The following AIG1 variants were observed in gnomAD, a reference collection of about 807,000 sequenced individuals.
AIG1 encodes androgen induced 1.
Under a neutral mutation model 31.4 loss-of-function variants are expected in AIG1, and 23 were observed. The observed-to-expected ratio is 0.73, with a 90% CI of 0.53 to 1.04. The LOEUF (loss-of-function observed/expected upper bound fraction) is 1.04. Among genes scored for constraint, AIG1 ranks in the 50% least tolerant of loss-of-function variants. The probability of loss-of-function intolerance (pLI) is 0.00; values close to 1 mark genes in which losing one functional copy is unlikely to be tolerated. For synonymous variants in AIG1, 100 were observed against 110.5 expected (o/e 0.90, Z 0.60); for missense variants, 274 against 295.0 (o/e 0.93, Z 0.52).
chr6:143,110,936 TTTA>T (rs1162589010), intron 1 of AIG1, among the ~76,000 whole-genome samples: 11 of 152,228 alleles, frequency 7.2e-5, no homozygotes, highest in South Asian at 2.1e-4. Flanking sequence ...ATATCCTGGA[TTTA>T]CCTTCTTAAA....
chr6:143,069,842 C>G (rs1056633100), intron 1 of AIG1, among the ~76,000 whole-genome samples: 5 of 152,100 alleles, frequency 3.3e-5, no homozygotes, highest in African/African-American at 4.8e-5. Flanking sequence ...ATGGAACCTC[C>G]TAGAAGTTTT....
chr6:143,213,533 T>TTTTTTTTTTTTTTTC, intron 3 of AIG1, among the ~76,000 whole-genome samples: 1 of 147,724 alleles, frequency 6.8e-6, no homozygotes, highest in African/African-American at 2.5e-5. Flanking sequence ...TTTTTTTTTT[T>TTTTTTTTTTTTTTTC]TGAGATGGAG....
In AIG1 at chr6:143,327,389, T is replaced by C. The variant is rs1457829767; in HGVS notation, c.516-5893T>C. The C allele has an allele frequency of 2.2e-5, 7 of 316,658 alleles. No homozygotes were observed. Among genetic ancestry groups the C allele is most frequent in the South Asian group, 6.6e-5 (2 of 30,272 alleles). The allele number at this position is 316,658 out of a possible 1,614,324, so 19.6% of individuals were successfully genotyped here. ...TCACAAGCGCGTCCATGGAGTGGGC[T>C]TCAAGAAGTCTGCCCCTTGGGCACT... On this transcript the variant is annotated intron_variant, in intron 4 of 5. Coordinates refer to ENST00000357847, the MANE Select transcript of AIG1 (RefSeq NM_016108.4). This position sits in a 1 kb window ranked among gnomAD's most constrained non-coding sequence, Gnocchi z 5.3.
At chr6:143,181,473 TGTGATCATTA>T (rs1331176342) in intron 3 of AIG1, among the ~76,000 whole-genome samples, 2 of 152,354 alleles carry the variant, frequency 1.3e-5, no homozygotes, top group African/African-American at 4.8e-5. Context: ...AATTTTCATC[TGTGATCATTA>T]GTTCTAACAA....
chr6:143,253,082 C>T (rs963011999), intron 3 of AIG1, among the ~76,000 whole-genome samples: 10 of 152,148 alleles, frequency 6.6e-5, no homozygotes, highest in African/African-American at 2.4e-4. Flanking sequence ...AATGTAGAAG[C>T]GACATCCTAT....
intron 3 of AIG1, among the ~76,000 whole-genome samples, chr6:143,254,425 T>C (rs1795224996): frequency 6.6e-6 from 1 of 152,200 alleles, no homozygotes; most frequent in Admixed American, 6.5e-5. Context: ...CCTGGACACT[T>C]GAACAGTTAG....
chr6:143,137,595 C>T (rs945983353), intron 2 of AIG1, among the ~76,000 whole-genome samples: 11 of 152,240 alleles, frequency 7.2e-5, no homozygotes, highest in African/African-American at 1.7e-4. Flanking sequence ...CCATTAGCTA[C>T]TATCACTGAA....
chr6:143,333,497 T>G lies in AIG1; in HGVS notation c.679+52T>G. The stretch of plus-strand genomic sequence containing the variant: ...ACAAGAGAATTACTGCCGGCAACAG[T>G]CTATGCAGAGACTGAGGGAAAATTC... On this transcript the variant is annotated intron_variant, in intron 5 of 5. Coordinates refer to ENST00000357847, the MANE Select transcript of AIG1 (RefSeq NM_016108.4). The surrounding 1 kb of genome is among the most constrained non-coding windows in gnomAD (Gnocchi z 4.6). 6.3e-7 allele frequency: 1 copy of G among 1,585,026 alleles called. No homozygotes were observed. Among genetic ancestry groups the G allele is most frequent in the Non-Finnish European group, 8.6e-7 (1 of 1,162,196 alleles).
At chr6:143,102,758 A>G (rs1419560322) in intron 1 of AIG1, among the ~76,000 whole-genome samples, 1 of 151,960 alleles carries the variant, frequency 6.6e-6, no homozygotes, top group African/African-American at 2.4e-5. Context: ...AATAAAATTA[A>G]AAAGTTAGTT....
rs916484373 is a variant in AIG1, at chr6:143,298,294, C to G, written c.515+14069C>G. Among the ~76,000 whole-genome samples the G allele has an allele frequency of 5.9e-5, 9 of 152,316 alleles. 1 individual carries two copies. The highest frequency in any genetic ancestry group is 1.5e-5 in the Non-Finnish European group (1 of 68,024). On this transcript the variant is annotated intron_variant, in intron 4 of 5. Coordinates refer to ENST00000357847, the MANE Select transcript of AIG1 (RefSeq NM_016108.4). This position sits in a 1 kb window ranked among gnomAD's most constrained non-coding sequence, Gnocchi z 5.1. ...AATTGTCAGTCAGCCAAAGACCCAT[C>G]ACATCAGGCCAAGTGCCTTCTATAA...
At chr6:143,101,496 G>A (rs996190082) in intron 1 of AIG1, among the ~76,000 whole-genome samples, 1 of 152,166 alleles carries the variant, frequency 6.6e-6, no homozygotes, top group Non-Finnish European at 1.5e-5. Flanking sequence ...AGTGAATGGT[G>A]GCTCTGAGCA....
At chr6:143,165,368 T>C (rs1367190335) in intron 3 of AIG1, among the ~76,000 whole-genome samples, 185 bp downstream of exon 3, 1 of 152,210 alleles carries the variant, frequency 6.6e-6, no homozygotes, top group East Asian at 1.9e-4. Flanking sequence ...CTTCTTCCCA[T>C]GGAATGGAGT....
downstream of AIG1, chr6:143,343,256 A>G (rs538283123): frequency 1.7e-4 from 109 of 652,282 alleles, no homozygotes; most frequent in African/African-American, 1.7e-3. Context: ...ATCTTGGGGG[A>G]GCTCTCTTTG....
Position 143,210,020 on chromosome 6 carries a change from C to T in AIG1, c.399+44837C>T, listed in dbSNP as rs191987929. ...CAAATCTCACCTTGAATTGTAGTTC[C>T]CATAATCCCCACGTGTCATGGGAGG... On this transcript the variant is annotated intron_variant, in intron 3 of 5. Coordinates refer to ENST00000357847, the MANE Select transcript of AIG1 (RefSeq NM_016108.4). 1.1e-4 allele frequency among the ~76,000 whole-genome samples: 16 copies of T among 152,252 alleles called. 1 individual carries two copies. Among genetic ancestry groups the T allele is most frequent in the Admixed American group, 1.0e-3 (16 of 15,298 alleles).
rs1306491640 is a variant in AIG1, at chr6:143,325,288, G to T, written c.516-7994G>T. On this transcript the variant is annotated intron_variant, in intron 4 of 5. Transcript: ENST00000357847. The surrounding 1 kb of genome is among the most constrained non-coding windows in gnomAD (Gnocchi z 4.3). ...TCCCTTAAATCTTAACCTTTTCCAA[G>T]GCCCTTTCATGGGCCCACTTCCTTC... Among the ~76,000 whole-genome samples the T allele has an allele frequency of 6.6e-6, 1 of 150,988 alleles. No homozygotes were observed. The highest frequency in any genetic ancestry group is 1.5e-5 in the Non-Finnish European group (1 of 67,996).
chr6:143,231,130 A>G (rs1260419244), intron 3 of AIG1, among the ~76,000 whole-genome samples: 5 of 152,244 alleles, frequency 3.3e-5, no homozygotes, highest in African/African-American at 7.2e-5. Context: ...AGTAAATTAT[A>G]CAGATATAAG....
intron 2 of AIG1, among the ~76,000 whole-genome samples, chr6:143,161,890 G>A (rs2128559905): frequency 6.6e-6 from 1 of 152,056 alleles, no homozygotes; most frequent in African/African-American, 2.4e-5. Context: ...TAGAGATGAA[G>A]GCAAGGATGC....
At chr6:143,178,420 A>G (rs1788391036) in intron 3 of AIG1, among the ~76,000 whole-genome samples, 1 of 152,170 alleles carries the variant, frequency 6.6e-6, no homozygotes, top group African/African-American at 2.4e-5. Context: ...GAACAATGCA[A>G]TCACATGGTT....
intron 3 of AIG1, among the ~76,000 whole-genome samples, chr6:143,231,547 A>G (rs1294157328): frequency 6.6e-6 from 1 of 152,252 alleles, no homozygotes; most frequent in Non-Finnish European, 1.5e-5. Flanking sequence ...GCTATAGACC[A>G]GTAACGTCCA....
Sources: allele counts gnomAD v4.1 joint callset (sites outside exome capture counted in the v4.1 genomes callset), GRCh38; gene constraint gnomAD v4.1.1; non-coding constraint Gnocchi (gnomAD v3.1); transcripts MANE v1.5; gene names NCBI Gene and HGNC (gene_info 2026-07-23, HGNC 2026-07-21).